Variants in GRID1 observed in about 807,000 individuals in gnomAD.
GRID1 encodes the protein glutamate ionotropic receptor delta type subunit 1.
A neutral mutation model predicts 98.0 loss-of-function variants in GRID1; 28 were observed. The ratio of observed to expected loss-of-function variants is 0.29; its 90% CI spans 0.21 to 0.39. The LOEUF (loss-of-function observed/expected upper bound fraction) is 0.39. GRID1 is among the 10% of genes least tolerant of loss of function. GRID1 has a pLI of 1.00. For missense variants in GRID1, 1,111 were observed against 1,340.5 expected, an observed-to-expected ratio of 0.83 and a Z score of 2.67; for synonymous variants, 553 against 538.5, an observed-to-expected ratio of 1.03 and a Z score of -0.37.
chr10:86,131,062 C>A (rs1034358791), intron 4 of GRID1, among the ~76,000 whole-genome samples: 3 of 152,174 alleles, frequency 2.0e-5, no homozygotes, highest in African/African-American at 7.2e-5. Flanking sequence ...TTTAGGGATG[C>A]CATGTGCAGA....
intron 4 of GRID1, among the ~76,000 whole-genome samples, chr10:86,121,311 C>T (rs796272628): frequency 1.3e-5 from 2 of 152,034 alleles, no homozygotes; most frequent in Non-Finnish European, 2.9e-5. Flanking sequence ...ACCACCATCA[C>T]CATCATCACC....
At position 85,911,317 on chromosome 10, in the gene GRID1, G is replaced by A. The variant is rs150265106; in HGVS notation, c.780+4869C>T. On this transcript the variant is annotated intron_variant, in intron 5 of 15. Transcript: ENST00000327946. ...GTTTGGAAAGAAGTACGCTGAGTTC[G>A]AGGTGGTGATGGAGCTTCCAAGTGG... Among the ~76,000 whole-genome samples, 42 of 152,262 alleles carry A rather than the reference G, an allele frequency of 2.8e-4. No individual in the cohort carries two copies. The East Asian group carries it at 5.0e-3, about 18-fold the overall frequency.
chr10:85,826,193 G>A (rs923692866), intron 8 of GRID1, among the ~76,000 whole-genome samples: 1 of 152,066 alleles, frequency 6.6e-6, no homozygotes, highest in Non-Finnish European at 1.5e-5. Context: ...AAATTAGCTG[G>A]GCATGGTGGC....
chr10:85,927,166 C>A (rs1472211625), intron 4 of GRID1, among the ~76,000 whole-genome samples: 1 of 152,212 alleles, frequency 6.6e-6, no homozygotes, highest in Non-Finnish European at 1.5e-5. Flanking sequence ...GCCCTCTAGA[C>A]CATGCATGCA....
chr10:86,072,062 G>C (rs1349299444), intron 4 of GRID1, among the ~76,000 whole-genome samples: 2 of 152,186 alleles, frequency 1.3e-5, no homozygotes, highest in African/African-American at 4.8e-5. Flanking sequence ...GGAGGAACCG[G>C]GGGTGAAGGA....
chr10:85,877,314 G>T (rs1344315148), intron 5 of GRID1, among the ~76,000 whole-genome samples: 1 of 152,200 alleles, frequency 6.6e-6, no homozygotes, highest in Non-Finnish European at 1.5e-5. Context: ...CCTCAAGTGG[G>T]TCCCTGACCC....
chr10:86,325,351 A>G (rs1032114825), intron 2 of GRID1, among the ~76,000 whole-genome samples: 3 of 152,164 alleles, frequency 2.0e-5, no homozygotes, highest in Non-Finnish European at 2.9e-5. Flanking sequence ...CTCACTCACC[A>G]TCCTGCGGCC....
At chr10:86,092,504 T>C (rs1844164460) in intron 4 of GRID1, among the ~76,000 whole-genome samples, 1 of 152,066 alleles carries the variant, frequency 6.6e-6, no homozygotes. Flanking sequence ...AACCTTTATG[T>C]GCATAAAGAC....
chr10:86,224,620 C>G (rs556435126), intron 2 of GRID1, among the ~76,000 whole-genome samples: 4 of 152,214 alleles, frequency 2.6e-5, no homozygotes. Context: ...TCCATCAACC[C>G]GTAGGGGCTC....
At chr10:85,833,462 A>G (rs1842886513) in intron 8 of GRID1, among the ~76,000 whole-genome samples, 1 of 152,112 alleles carries the variant, frequency 6.6e-6, no homozygotes, top group Non-Finnish European at 1.5e-5. Flanking sequence ...AGTCACTGAA[A>G]GCACAGCAGA....
At chr10:85,709,054 G>A (rs1291680777) in intron 12 of GRID1, 1 of 325,200 alleles carries the variant, frequency 3.1e-6, no homozygotes, top group South Asian at 3.5e-5. Flanking sequence ...TGGGTGCTAT[G>A]ATTCACCAAA....
chr10:86,232,751 T>C (rs1846476123), intron 2 of GRID1, among the ~76,000 whole-genome samples: 1 of 152,198 alleles, frequency 6.6e-6, no homozygotes, highest in Non-Finnish European at 1.5e-5. Context: ...TTGCAGTCTT[T>C]TGCAGGGAGG....
At chr10:86,336,724 C>T (rs1848226652) in intron 2 of GRID1, among the ~76,000 whole-genome samples, 1 of 152,212 alleles carries the variant, frequency 6.6e-6, no homozygotes, top group Admixed American at 6.5e-5. Flanking sequence ...ATAACCAGAC[C>T]TGGCTCCATG....
At chr10:85,778,577 A>T (rs117495603) in intron 8 of GRID1, among the ~76,000 whole-genome samples, 5,026 of 152,310 alleles carry the variant, frequency 0.033, 130 homozygotes, top group Middle Eastern at 0.048. Flanking sequence ...AGAGGAAAAA[A>T]CAAAACAATT....
intron 13 of GRID1, among the ~76,000 whole-genome samples, chr10:85,634,257 TCTCTCTC>T (rs1843009069): frequency 2.3e-5 from 3 of 130,844 alleles, no homozygotes; most frequent in Admixed American, 7.5e-5. Flanking sequence ...CACCTCTCTC[TCTCTCTC>T]TCTCTCTCTC....
chr10:85,991,334 T>C (rs76360108), intron 4 of GRID1, among the ~76,000 whole-genome samples: 3,062 of 152,026 alleles, frequency 0.02, 58 homozygotes, highest in African/African-American at 0.047. Flanking sequence ...AAGTAGAGAA[T>C]TCTTTTTGGG....
chr10:85,770,959 G>T (rs2132710895), intron 8 of GRID1, among the ~76,000 whole-genome samples: 1 of 152,242 alleles, frequency 6.6e-6, no homozygotes, highest in Non-Finnish European at 1.5e-5. Context: ...TCAGATTCAG[G>T]AAATACAGAG....
At chr10:86,017,450 T>G (rs917114510) in intron 4 of GRID1, among the ~76,000 whole-genome samples, 1 of 152,202 alleles carries the variant, frequency 6.6e-6, no homozygotes, top group African/African-American at 2.4e-5. Context: ...GCTACAGAAT[T>G]GCAGCCATCA....
At chr10:85,942,108 A>G (rs2131838886) in intron 4 of GRID1, among the ~76,000 whole-genome samples, 1 of 152,330 alleles carries the variant, frequency 6.6e-6, no homozygotes, top group African/African-American at 2.4e-5. Flanking sequence ...TGTACTGATC[A>G]ACCCAAGCCA....
Sources: gnomAD v4.1 joint callset for allele counts (sites outside exome capture counted in the v4.1 genomes callset) on GRCh38, gnomAD v4.1.1 for gene constraint, MANE v1.5 for transcripts, NCBI Gene and HGNC (gene_info 2026-07-23, HGNC 2026-07-21) for gene names.